Variants in KLHL26 observed in about 807,000 individuals in gnomAD.
KLHL26 encodes kelch like family member 26.
Under a neutral mutation model 7.1 loss-of-function variants are expected in KLHL26, and 4 were observed. The ratio of observed to expected loss-of-function variants is 0.56; its 90% CI spans 0.28 to 1.28. KLHL26 has a LOEUF of 1.28. Ranked by LOEUF, KLHL26 falls within the 50% of genes most tolerant of loss-of-function variation. KLHL26 has a pLI of 0.11. For synonymous variants in KLHL26, 465 were observed against 414.1 expected (o/e 1.12, Z -1.49); for missense variants, 896 against 924.6 (o/e 0.97, Z 0.40).
rs766880422 is a variant in KLHL26 at position 18,664,299 on chromosome 19, C to T, written c.122C>T (p.Ser41Leu). Residue 41 changes from serine (S) to leucine (L), a missense_variant, in exon 2 of 3, where the codon TCG (serine) becomes TTG (leucine). Transcript: ENST00000300976. ...AACGGGGCCCTCAAGTGCACCTTCT[C>T]GGCACCCAGCCACAGCACCAGCCTC... is the stretch of plus-strand genomic sequence containing the variant. ...DKNGALKCTF[S>L]APSHSTSLLQ... 8 of 1,607,486 alleles carry T rather than the reference C, an allele frequency of 5.0e-6. No individual in the cohort carries two copies. In the East Asian group the frequency reaches 1.3e-4, roughly 27 times the overall value.
chr19:18,652,946 C>T (rs1343142106), intron 1 of KLHL26, among the ~76,000 whole-genome samples: 1 of 152,180 alleles, frequency 6.6e-6, no homozygotes, highest in Non-Finnish European at 1.5e-5. Flanking sequence ...TTCAGGGGCT[C>T]ATCCAAGGCC....
At position 18,637,157 on chromosome 19, in the gene KLHL26, A is replaced by G; in HGVS notation, c.83+20A>G. 3.8e-6 allele frequency: 5 copies of G among 1,317,506 alleles called. No homozygotes were observed. Among genetic ancestry groups the G allele is most frequent in the South Asian group, 2.2e-5 (1 of 45,672 alleles). The allele number at this position is 1,317,506 out of a possible 1,614,324, so 81.6% of individuals were successfully genotyped here. ...GAACAGGTGAGACCCGGCCCGCAGGATAGACCTGCACCTGTCTTGGAGCCC... is the reference window on the plus strand; with the variant it reads ...GAACAGGTGAGACCCGGCCCGCAGGGTAGACCTGCACCTGTCTTGGAGCCC... On this transcript the variant is annotated intron_variant, in intron 1 of 2. Coordinates refer to ENST00000300976, the MANE Select transcript of KLHL26 (RefSeq NM_018316.3).
rs756381637 is a variant in KLHL26, at chr19:18,667,862, C to G, written c.465C>G (p.Phe155Leu). ...MLPVVELCEEFLKAAMSVETC... is the reference protein window; with the variant it reads ...MLPVVELCEELLKAAMSVETC... Reference sequence around the variant, plus strand: ...CCGTGGTGGAGCTGTGCGAGGAGTTCCTGAAGGCGGCCATGAGCGTGGAGA... The same window carrying G: ...CCGTGGTGGAGCTGTGCGAGGAGTTGCTGAAGGCGGCCATGAGCGTGGAGA... Residue 155 changes from phenylalanine (F) to leucine (L), a missense_variant, in exon 3 of 3, where the codon TTC becomes TTG. Coordinates refer to ENST00000300976, the MANE Select transcript of KLHL26 (RefSeq NM_018316.3). The G allele has an allele frequency of 5.0e-6, 8 of 1,612,966 alleles. No individual in the cohort carries two copies. Among genetic ancestry groups the G allele is most frequent in the Non-Finnish European group, 6.8e-6 (8 of 1,179,996 alleles).
chr19:18,639,535 G>A (rs1976677283), intron 1 of KLHL26, among the ~76,000 whole-genome samples: 1 of 146,930 alleles, frequency 6.8e-6, no homozygotes, highest in Non-Finnish European at 1.5e-5. Flanking sequence ...TCAGCCTCCC[G>A]AGTAGCTGAG....
Position 18,664,377 on chromosome 19 carries a change from T to C in KLHL26, c.200T>C (p.Leu67Pro). The C allele has an allele frequency of 1.9e-6, 3 of 1,609,674 alleles. No homozygotes were observed. The highest frequency in any genetic ancestry group is 2.5e-6 in the Non-Finnish European group (3 of 1,179,676). Residue 67 changes from leucine to proline, a missense_variant, in exon 2 of 3, where the codon CTG (leucine) becomes CCG (proline). By Grantham distance (98) the Leu-to-Pro change is moderately conservative. Transcript: ENST00000300976. ...RAQGQLLDVV[L>P]TINREAFPAH... ...CAGGGCCAGCTCCTCGATGTTGTGCTGACTATTAACAGAGAGGCCTTTCCT... is the reference window on the plus strand; with the variant it reads ...CAGGGCCAGCTCCTCGATGTTGTGCCGACTATTAACAGAGAGGCCTTTCCT...
At chr19:18,655,120 G>A (rs1029084745) in intron 1 of KLHL26, among the ~76,000 whole-genome samples, 4 of 152,132 alleles carry the variant, frequency 2.6e-5, no homozygotes, top group African/African-American at 7.2e-5. Context: ...GCCGTAGACC[G>A]AGGCTCTCCC....
Position 18,656,842 on chromosome 19 carries a change from G to A in KLHL26, c.84-7419G>A, listed in dbSNP as rs1042155295. ...GGCGGGTTCCTGTTTGAAATGATTC[G>A]TGAAGATGTTGGAGAAAATCAGCAT... On this transcript the variant is annotated intron_variant, in intron 1 of 2. Transcript: ENST00000300976. This position sits in a 1 kb window ranked among gnomAD's most constrained non-coding sequence, Gnocchi z 4.4. 6.6e-6 allele frequency among the ~76,000 whole-genome samples: 1 copy of A among 152,074 alleles called. No homozygotes were observed. Among genetic ancestry groups the A allele is most frequent in the African/African-American group, 2.4e-5 (1 of 41,400 alleles).
intron 1 of KLHL26, among the ~76,000 whole-genome samples, chr19:18,637,487 C>A (rs1976640308): frequency 6.6e-6 from 1 of 151,880 alleles, no homozygotes; most frequent in South Asian, 2.1e-4. Flanking sequence ...TGAGCAGGGG[C>A]CATGCCATGG....
Position 18,668,936 on chromosome 19 carries a change from C to T in KLHL26, c.1539C>T (p.Leu513=), listed in dbSNP as rs759194107. 101 of 1,609,208 alleles carry T rather than the reference C, an allele frequency of 6.3e-5. No homozygotes were observed. Among genetic ancestry groups the T allele is most frequent in the Non-Finnish European group, 8.1e-5 (96 of 1,179,862 alleles). Reference sequence around the variant, plus strand: ...GTGCCGGCGGCCGCATCTATGCCCTCGGGGGCCGCATGGACCACGTGGACC... The same window carrying T: ...GTGCCGGCGGCCGCATCTATGCCCTTGGGGGCCGCATGGACCACGTGGACC... ...MVGAGGRIYA[L]GGRMDHVDRC... is the part of the protein sequence containing the mutation. Residue 513 remains leucine, a synonymous_variant, in exon 3 of 3, where the codon CTC becomes CTT. Transcript: ENST00000300976.
chr19:18,664,558 C>T (rs2052427033), intron 2 of KLHL26, 115 bp downstream of exon 2: 5 of 748,690 alleles, frequency 6.7e-6, no homozygotes, highest in South Asian at 2.3e-5. Flanking sequence ...GGGACAGCTT[C>T]GAGGGAGAAC....
intron 2 of KLHL26, among the ~76,000 whole-genome samples, chr19:18,665,679 G>A (rs1397909340): frequency 1.3e-5 from 2 of 152,258 alleles, no homozygotes; most frequent in Non-Finnish European, 2.9e-5. Flanking sequence ...GGCCGGAAGT[G>A]AGAGCACCAC....
In KLHL26 at chr19:18,649,167, C is replaced by T. The variant is rs538459576; in HGVS notation, c.83+12030C>T. Among the ~76,000 whole-genome samples, 28 of 152,284 alleles carry T rather than the reference C, an allele frequency of 1.8e-4. No homozygotes were observed. Among genetic ancestry groups the T allele is most frequent in the African/African-American group, 6.0e-4 (25 of 41,554 alleles). On this transcript the variant is annotated intron_variant, in intron 1 of 2. Transcript: ENST00000300976. The surrounding 1 kb of genome is among the most constrained non-coding windows in gnomAD (Gnocchi z 4.0). Reference sequence around the variant, plus strand: ...ACCGTGGCGCCACTGCTCGCCCTGTCGTCATGGTACATTCTCTGCTTGAGG... The same window carrying T: ...ACCGTGGCGCCACTGCTCGCCCTGTTGTCATGGTACATTCTCTGCTTGAGG...
rs2052419810 is a variant in KLHL26 at position 18,664,127 on chromosome 19, T to C, written c.84-134T>C. Reference sequence around the variant, plus strand: ...CCTGTCTCTGCGGATTTGCCTGTTCTGGGCATTTCACGTCAGTGGAGTCAT... The same window carrying C: ...CCTGTCTCTGCGGATTTGCCTGTTCCGGGCATTTCACGTCAGTGGAGTCAT... On this transcript the variant is annotated intron_variant, in intron 1 of 2. Coordinates refer to ENST00000300976, the MANE Select transcript of KLHL26 (RefSeq NM_018316.3). 4.4e-6 allele frequency: 3 copies of C among 688,254 alleles called. No homozygotes were observed. In the Admixed American group the frequency reaches 9.1e-5, roughly 21 times the overall value. The allele number at this position is 688,254 out of a possible 1,614,324, so 42.6% of individuals were successfully genotyped here.
chr19:18,642,345 G>GTGTGTGTGTC (rs1976727358), intron 1 of KLHL26, among the ~76,000 whole-genome samples: 1 of 147,484 alleles, frequency 6.8e-6, no homozygotes, highest in African/African-American at 2.5e-5. Flanking sequence ...CCTAGTGTGT[G>GTGTGTGTGTC]TGTGTGTGTG....
chr19:18,643,742 T>C (rs1346046055), intron 1 of KLHL26, among the ~76,000 whole-genome samples: 1 of 152,024 alleles, frequency 6.6e-6, no homozygotes, highest in Non-Finnish European at 1.5e-5. Flanking sequence ...CCTCCTAAAG[T>C]GCTGCGATTA....
rs2052504536 is a variant in KLHL26 at position 18,669,602 on chromosome 19, C to T, written c.*357C>T. Reference sequence around the variant, plus strand: ...TCCATCTCACTTCTCTACTGCCTCCCAGCCCCACGGTTTCAGGCATTCAGA... The same window carrying T: ...TCCATCTCACTTCTCTACTGCCTCCTAGCCCCACGGTTTCAGGCATTCAGA... On this transcript the variant is annotated 3_prime_UTR_variant, in exon 3 of 3. Coordinates refer to ENST00000300976, the MANE Select transcript of KLHL26 (RefSeq NM_018316.3). The T allele has an allele frequency of 4.1e-6, 2 of 484,028 alleles. No individual in the cohort carries two copies. The highest frequency in any genetic ancestry group is 7.3e-6 in the Non-Finnish European group (2 of 274,250). The allele number at this position is 484,028 out of a possible 1,614,324, so 30.0% of individuals were successfully genotyped here.
In KLHL26 at chr19:18,656,166, T is replaced by C. The variant is rs1300251161; in HGVS notation, c.84-8095T>C. ...GGCCACGCAGCTTGCCCTGGCTTCA[T>C]GGTGGGGTTGGTGGGGGACCTGCAG... On this transcript the variant is annotated intron_variant, in intron 1 of 2. Transcript: ENST00000300976. This position sits in a 1 kb window ranked among gnomAD's most constrained non-coding sequence, Gnocchi z 4.4. Among the ~76,000 whole-genome samples, 1 of 151,954 alleles carries C rather than the reference T, an allele frequency of 6.6e-6. No individual in the cohort carries two copies. The highest frequency in any genetic ancestry group is 2.4e-5 in the African/African-American group (1 of 41,390).
chr19:18,651,898 G>C (rs733715), intron 1 of KLHL26, among the ~76,000 whole-genome samples: 4,066 of 152,356 alleles, frequency 0.027, 183 homozygotes, highest in African/African-American at 0.093. Context: ...GGACCAAGTC[G>C]GGGGATGGGC....
In KLHL26 at chr19:18,648,077, T is replaced by G. The variant is rs1976837340; in HGVS notation, c.83+10940T>G. ...CAGTCAGCCTCCTGTTTTGAAAGGATCCCTCTGTAGGCCGGGTGTGGTGGC... is the reference window on the plus strand; with the variant it reads ...CAGTCAGCCTCCTGTTTTGAAAGGAGCCCTCTGTAGGCCGGGTGTGGTGGC... On this transcript the variant is annotated intron_variant, in intron 1 of 2. Coordinates refer to ENST00000300976, the MANE Select transcript of KLHL26 (RefSeq NM_018316.3). This position sits in a 1 kb window ranked among gnomAD's most constrained non-coding sequence, Gnocchi z 4.9. Among the ~76,000 whole-genome samples, 1 of 152,108 alleles carries G rather than the reference T, an allele frequency of 6.6e-6. No individual in the cohort carries two copies. Among genetic ancestry groups the G allele is most frequent in the African/African-American group, 2.4e-5 (1 of 41,420 alleles).
Sources: gnomAD v4.1 joint callset for allele counts (sites outside exome capture counted in the v4.1 genomes callset) on GRCh38, gnomAD v4.1.1 for gene constraint, Gnocchi (gnomAD v3.1) non-coding constraint, MANE v1.5 for transcripts, NCBI Gene and HGNC (gene_info 2026-07-23, HGNC 2026-07-21) for gene names.